Variants in ZBTB20 observed in about 807,000 individuals in gnomAD.
ZBTB20 encodes zinc finger and BTB domain containing 20.
Under a neutral mutation model 56.9 loss-of-function variants are expected in ZBTB20, and 9 were observed. The ratio of observed to expected loss-of-function variants is 0.16; its 90% confidence interval spans 0.10 to 0.28. The LOEUF is 0.28. ZBTB20 is among the 10% of genes least tolerant of loss of function. The pLI is 1.00. For missense variants in ZBTB20, 655 were observed against 1,003.0 expected (o/e 0.65, Z 4.69); for synonymous variants, 417 against 420.7 (o/e 0.99, Z 0.11).
At chr3:115,012,801 T>C (rs181804877) in intron 2 of ZBTB20, among the ~76,000 whole-genome samples, 12 of 151,914 alleles carry the variant, frequency 7.9e-5, no homozygotes, top group Admixed American at 2.0e-4. Flanking sequence ...TACTCAAGGA[T>C]AGACCATACG....
chr3:114,350,515 G>C lies in ZBTB20; in HGVS notation c.1563C>G (p.Pro521=), dbSNP rs201414136. The part of the protein sequence containing the change: ...LFTTQPAGSG[P]KPFLFSLPQP... ...GTGGCAGGCTGAAGAGGAAAGGCTTGGGGCCACTGCCCGCGGGCTGGGTAG... is the reference window on the plus strand; with the variant it reads ...GTGGCAGGCTGAAGAGGAAAGGCTTCGGGCCACTGCCCGCGGGCTGGGTAG... The change falls in exon 11 of 12, where the codon CCC becomes CCG. Residue 521 remains proline, a synonymous_variant. Transcript: ENST00000675478. 6.3e-5 allele frequency: 102 copies of C among 1,614,104 alleles called. No homozygotes were observed. The highest frequency in any genetic ancestry group is 6.9e-5 in the Non-Finnish European group (81 of 1,180,020).
chr3:114,787,277 C>A (rs1365241362), intron 5 of ZBTB20, among the ~76,000 whole-genome samples: 1 of 146,058 alleles, frequency 6.8e-6, no homozygotes, highest in Non-Finnish European at 1.5e-5. Context: ...CCATACCCAG[C>A]CATGAATGAG....
At chr3:114,524,236 A>G (rs1448099895) in intron 6 of ZBTB20, among the ~76,000 whole-genome samples, 3 of 152,202 alleles carry the variant, frequency 2.0e-5, no homozygotes, top group African/African-American at 7.2e-5. Context: ...GGATTGAACT[A>G]CCAAGACATT....
At chr3:114,473,041 A>G (rs1265101693) in intron 7 of ZBTB20, among the ~76,000 whole-genome samples, 1 of 152,230 alleles carries the variant, frequency 6.6e-6, no homozygotes, top group Non-Finnish European at 1.5e-5. Flanking sequence ...GTACAATCAG[A>G]AACAGTACAA....
intron 5 of ZBTB20, among the ~76,000 whole-genome samples, chr3:114,793,624 C>T (rs1343423245): frequency 6.6e-6 from 1 of 152,132 alleles, no homozygotes; most frequent in African/African-American, 2.4e-5. Flanking sequence ...AAGTCTATGA[C>T]AGCAGGTATT....
chr3:114,634,415 A>T lies in ZBTB20; in HGVS notation c.-295+59113T>A, dbSNP rs534803816. ...ACCCATAGGCATGTTAGAAATGCCA[A>T]GTTACTGAGGGGTGCATATCTTAAT... On this transcript the variant is annotated intron_variant, in intron 6 of 11. Transcript: ENST00000675478. Among the ~76,000 whole-genome samples, 179 of 152,298 alleles carry T rather than the reference A, an allele frequency of 1.2e-3. 1 individual carries two copies. The highest frequency in any genetic ancestry group is 4.1e-3 in the African/African-American group (170 of 41,558).
chr3:114,735,145 T>A (rs1319393642), intron 5 of ZBTB20, among the ~76,000 whole-genome samples: 1 of 152,128 alleles, frequency 6.6e-6, no homozygotes, highest in South Asian at 2.1e-4. Context: ...TTTTTATTCC[T>A]TTGTATATTT....
At chr3:114,802,513 T>A (rs1052958563) in intron 4 of ZBTB20, among the ~76,000 whole-genome samples, 1 of 151,680 alleles carries the variant, frequency 6.6e-6, no homozygotes, top group Non-Finnish European at 1.5e-5. Flanking sequence ...CTAACTAAAC[T>A]TTTCCCCCTC....
intron 6 of ZBTB20, among the ~76,000 whole-genome samples, chr3:114,516,645 G>A (rs185067440): frequency 6.6e-6 from 1 of 152,306 alleles, no homozygotes; most frequent in Non-Finnish European, 1.5e-5. Context: ...TTAAGATGAG[G>A]TCATGCTGTA....
At chr3:114,839,475 G>GAA (rs71616319) in intron 4 of ZBTB20, among the ~76,000 whole-genome samples, 1 of 151,626 alleles carries the variant, frequency 6.6e-6, no homozygotes, top group Admixed American at 6.6e-5. Context: ...AAGAGAGAGA[G>GAA]AAAGAAAGAG....
chr3:114,385,073 G>A (rs1036652980), intron 8 of ZBTB20, among the ~76,000 whole-genome samples: 2 of 151,996 alleles, frequency 1.3e-5, no homozygotes, highest in Non-Finnish European at 2.9e-5. Context: ...TCTCTTGCAC[G>A]TTAATGTGCC....
chr3:115,072,642 T>G (rs1316613764), intron 1 of ZBTB20, among the ~76,000 whole-genome samples: 2 of 152,210 alleles, frequency 1.3e-5, no homozygotes, highest in Non-Finnish European at 2.9e-5. Flanking sequence ...AAGACAATGC[T>G]GCACTGGGGC....
chr3:114,598,032 T>C (rs2056461357), intron 6 of ZBTB20, among the ~76,000 whole-genome samples: 1 of 152,144 alleles, frequency 6.6e-6, no homozygotes, highest in African/African-American at 2.4e-5. Context: ...AATCAGTGAC[T>C]GCATTAAAAC....
At chr3:115,042,856 A>T (rs979538135) in intron 2 of ZBTB20, among the ~76,000 whole-genome samples, 2 of 152,254 alleles carry the variant, frequency 1.3e-5, no homozygotes, top group Non-Finnish European at 2.9e-5. Context: ...AATAAGCTAC[A>T]TCTTTTCCAT....
intron 3 of ZBTB20, among the ~76,000 whole-genome samples, chr3:114,930,237 CAT>C (rs1409103194): frequency 6.6e-6 from 1 of 152,154 alleles, no homozygotes; most frequent in African/African-American, 2.4e-5. Context: ...CACTGAAAAA[CAT>C]GTGCTGCGCT....
chr3:114,805,615 G>T (rs2072044596), intron 4 of ZBTB20, among the ~76,000 whole-genome samples: 1 of 151,164 alleles, frequency 6.6e-6, no homozygotes, highest in Admixed American at 6.6e-5. Flanking sequence ...AGTTTATTGA[G>T]ATATAACTTA....
intron 4 of ZBTB20, among the ~76,000 whole-genome samples, chr3:114,813,314 A>G (rs532504387): frequency 6.6e-6 from 1 of 152,248 alleles, no homozygotes; most frequent in East Asian, 1.9e-4. Context: ...TTCAAAATAA[A>G]TATTTAAACA....
chr3:114,790,283 A>C (rs1416355384), intron 5 of ZBTB20, among the ~76,000 whole-genome samples: 1 of 152,178 alleles, frequency 6.6e-6, no homozygotes, highest in Non-Finnish European at 1.5e-5. Flanking sequence ...AAACAATAAA[A>C]GCTATTTAAA....
At chr3:114,470,126 C>T (rs1008162245) in intron 7 of ZBTB20, among the ~76,000 whole-genome samples, 1 of 152,190 alleles carries the variant, frequency 6.6e-6, no homozygotes, top group South Asian at 2.1e-4. Flanking sequence ...TCACTAAATA[C>T]CTCTGGTATC....
Sources: allele counts gnomAD v4.1 joint callset (sites outside exome capture counted in the v4.1 genomes callset), GRCh38; gene constraint gnomAD v4.1.1; transcripts MANE v1.5; gene names NCBI Gene and HGNC (gene_info 2026-07-23, HGNC 2026-07-21).